Variants in LHX4 observed in about 807,000 individuals in gnomAD.
The protein encoded by LHX4 is LIM homeobox 4, also known as LIM/homeobox protein Lhx4.
Under a neutral mutation model 39.2 loss-of-function variants are expected in LHX4, and 16 were observed. That is an observed-to-expected ratio of 0.41 (90% CI 0.28 to 0.62). The LOEUF (loss-of-function observed/expected upper bound fraction) is 0.62. Among genes scored for constraint, LHX4 ranks in the 20% least tolerant of loss-of-function variants. The pLI is 0.33. For synonymous variants in LHX4, 206 were observed against 198.1 expected (o/e 1.04, Z -0.33); for missense variants, 439 against 511.9 (o/e 0.86, Z 1.37).
chr1:180,231,359 C>T (rs1664173597), intron 1 of LHX4, among the ~76,000 whole-genome samples: 1 of 151,712 alleles, frequency 6.6e-6, no homozygotes, highest in Non-Finnish European at 1.5e-5. Context: ...CTAGCCTGCC[C>T]GCCCGCTTTC....
chr1:180,245,904 T>C (rs1647364323), intron 1 of LHX4, among the ~76,000 whole-genome samples: 1 of 152,140 alleles, frequency 6.6e-6, no homozygotes, highest in African/African-American at 2.4e-5. Context: ...TGGAAACCCC[T>C]GTGGCCGTCA....
At chr1:180,267,437 G>A (rs927091955) in intron 3 of LHX4, among the ~76,000 whole-genome samples, 2 of 152,248 alleles carry the variant, frequency 1.3e-5, no homozygotes, top group East Asian at 1.9e-4. Context: ...CCAGCGTAGA[G>A]CCCAGAACAA....
intron 1 of LHX4, among the ~76,000 whole-genome samples, chr1:180,246,725 C>CA (rs879665959): frequency 2.0e-5 from 3 of 152,130 alleles, no homozygotes; most frequent in South Asian, 2.1e-4. Context: ...CAAAACAAAA[C>CA]AAACAAAAAA....
In LHX4 at chr1:180,274,274, T is replaced by G. The variant is rs1215786377; in HGVS notation, c.868T>G (p.Phe290Val). The G allele has an allele frequency of 2.5e-6, 4 of 1,614,226 alleles. No homozygotes were observed. Among genetic ancestry groups the G allele is most frequent in the Non-Finnish European group, 3.4e-6 (4 of 1,180,046 alleles). Residue 290 changes from phenylalanine to valine, a missense_variant, in exon 6 of 6, where the codon TTC becomes GTC. Physicochemically the swap from Phe to Val is conservative, Grantham distance 50. Transcript: ENST00000263726. ...VTGGQLMNGS[F>V]SMDGTGQSYQ... Reference sequence around the variant, plus strand: ...AGGCGGACAGTTAATGAATGGGAGCTTCTCCATGGACGGGACAGGACAATC... The same window carrying G: ...AGGCGGACAGTTAATGAATGGGAGCGTCTCCATGGACGGGACAGGACAATC...
chr1:180,256,537 C>T (rs72712989), intron 2 of LHX4, among the ~76,000 whole-genome samples: 9,553 of 152,266 alleles, frequency 0.063, 352 homozygotes, highest in African/African-American at 0.1. Flanking sequence ...CATGCGCCGT[C>T]TGGAGAATGA....
chr1:180,229,262 A>C (rs1182456923), upstream of LHX4, among the ~76,000 whole-genome samples: 3 of 152,238 alleles, frequency 2.0e-5, no homozygotes, highest in African/African-American at 7.2e-5. Flanking sequence ...TGGCAGCCGG[A>C]GAGGCAGAGC....
chr1:180,229,685 G>C (rs866331055), upstream of LHX4, among the ~76,000 whole-genome samples: 4 of 151,916 alleles, frequency 2.6e-5, no homozygotes, highest in Non-Finnish European at 5.9e-5. Flanking sequence ...AGCGAAGCCG[G>C]GGACCGAGAG....
intron 5 of LHX4, 83 bp from the exon 6 acceptor site, chr1:180,274,102 C>T (rs1648866594): frequency 6.5e-7 from 1 of 1,547,570 alleles, no homozygotes; most frequent in Non-Finnish European, 8.9e-7. Flanking sequence ...CTTTCCTGGT[C>T]ATGTGTGTTC....
At chr1:180,248,558 TC>T in intron 2 of LHX4, 102 bp downstream of exon 2, 2 of 1,303,976 alleles carry the variant, frequency 1.5e-6, no homozygotes, top group Non-Finnish European at 2.2e-6. Context: ...GGGTGGAGAG[TC>T]CACTCTGGGA....
At position 180,234,172 on chromosome 1, in the gene LHX4, TATATATATATATATATATATATA is replaced by T. The variant is rs1558207090; in HGVS notation, c.76+3568_76+3590del. On this transcript the variant is annotated intron_variant, in intron 1 of 5. Coordinates refer to ENST00000263726, the MANE Select transcript of LHX4 (RefSeq NM_033343.4). The surrounding 1 kb of genome is among the most constrained non-coding windows in gnomAD (Gnocchi z 4.8). Reference sequence around the variant, plus strand: ...AGACACACACAACACACACAAATTATATATATATATATATATATATATATATATATATATATATATATATATAT... The same window carrying T: ...AGACACACACAACACACACAAATTATTATATATATATATATATATATATAT... 1.6e-4 allele frequency among the ~76,000 whole-genome samples: 1 copy of T among 6,088 alleles called. No individual in the cohort carries two copies. Among genetic ancestry groups the T allele is most frequent in the African/African-American group, 9.0e-4 (1 of 1,116 alleles). 4.0% of individuals were successfully genotyped at this position (6,088 alleles called of 152,430 possible). A position where few individuals can be genotyped will look rare whatever the true frequency, so the allele number is the denominator to read the frequency against.
chr1:180,250,391 A>G (rs1647576474), intron 2 of LHX4, among the ~76,000 whole-genome samples: 1 of 152,112 alleles, frequency 6.6e-6, no homozygotes, highest in South Asian at 2.1e-4. Flanking sequence ...AAATGTGAAC[A>G]TAATGTGTGT....
intron 1 of LHX4, among the ~76,000 whole-genome samples, chr1:180,238,846 G>A (rs1042408850): frequency 3.3e-5 from 5 of 152,144 alleles, no homozygotes; most frequent in African/African-American, 1.2e-4. Context: ...GTTGGGGGGC[G>A]GCACACACCA....
chr1:180,236,656 C>G (rs1664327465), intron 1 of LHX4, among the ~76,000 whole-genome samples: 1 of 152,104 alleles, frequency 6.6e-6, no homozygotes, highest in Non-Finnish European at 1.5e-5. Flanking sequence ...GTGTCCTCTT[C>G]CTATTGAAGA....
At chr1:180,233,987 C>G (rs1446379578) in intron 1 of LHX4, among the ~76,000 whole-genome samples, 1 of 150,976 alleles carries the variant, frequency 6.6e-6, no homozygotes, top group Non-Finnish European at 1.5e-5. Context: ...CAGCGCAGGT[C>G]GAGTTGCAGA....
upstream of LHX4, among the ~76,000 whole-genome samples, chr1:180,229,947 C>CGGG (rs1664126689): frequency 2.3e-5 from 1 of 42,746 alleles, no homozygotes; most frequent in Non-Finnish European, 4.2e-5. Context: ...TGGGCGGAGG[C>CGGG]GGAGGCGGAG....
At chr1:180,267,841 G>C (rs1648390604) in intron 3 of LHX4, among the ~76,000 whole-genome samples, 1 of 152,302 alleles carries the variant, frequency 6.6e-6, no homozygotes, top group South Asian at 2.1e-4. Flanking sequence ...TATAAAATAA[G>C]GGGATTGTGG....
chr1:180,249,862 T>A (rs1301156236), intron 2 of LHX4, among the ~76,000 whole-genome samples: 1 of 131,256 alleles, frequency 7.6e-6, no homozygotes, highest in Non-Finnish European at 1.7e-5. Flanking sequence ...TATGTGCTGC[T>A]CCCTACGTGT....
chr1:180,261,764 G>A (rs1456309121), intron 2 of LHX4, among the ~76,000 whole-genome samples: 1 of 152,206 alleles, frequency 6.6e-6, no homozygotes, highest in East Asian at 1.9e-4. Flanking sequence ...TGTTCTGCAG[G>A]AAGGGGCAGC....
At chr1:180,243,664 G>T (rs1385505272) in intron 1 of LHX4, among the ~76,000 whole-genome samples, 1 of 152,084 alleles carries the variant, frequency 6.6e-6, no homozygotes, top group African/African-American at 2.4e-5. Flanking sequence ...TGTAGCTGGG[G>T]GAGGAGATTG....
Sources: gnomAD v4.1 joint callset for allele counts (sites outside exome capture counted in the v4.1 genomes callset) on GRCh38, gnomAD v4.1.1 for gene constraint, Gnocchi (gnomAD v3.1) non-coding constraint, MANE v1.5 for transcripts, NCBI Gene and HGNC (gene_info 2026-07-23, HGNC 2026-07-21) for gene names.